VPS54: variants seen among roughly 807,000 people sequenced by gnomAD.
VPS54 encodes vacuolar protein sorting-associated protein 54.
VPS54 carries 45 observed loss-of-function variants against 121.5 expected under a neutral mutation model. That is an observed-to-expected ratio of 0.37 (90% confidence interval 0.29 to 0.47). The LOEUF (loss-of-function observed/expected upper bound fraction) is 0.47, where lower values mean the gene tolerates loss of function less well. Ranked by LOEUF, VPS54 falls within the 20% of genes least tolerant of loss-of-function variation. The pLI is 0.99. For missense variants in VPS54, 1,090 were observed against 1,131.4 expected, an observed-to-expected ratio of 0.96 and a Z score of 0.52; for synonymous variants, 371 against 385.8, an observed-to-expected ratio of 0.96 and a Z score of 0.45.
At chr2:63,973,505 CTGTT>C (rs1418797815) in intron 3 of VPS54, among the ~76,000 whole-genome samples, 2 of 151,932 alleles carry the variant, frequency 1.3e-5, no homozygotes, top group Admixed American at 6.6e-5. Flanking sequence ...TTTAATTTGG[CTGTT>C]TGTTTTGTTG....
chr2:63,965,715 C>T lies in VPS54; in HGVS notation c.624+120G>A, dbSNP rs1267091923. On this transcript the variant is annotated intron_variant, in intron 6 of 22. Coordinates refer to ENST00000272322, the MANE Select transcript of VPS54 (RefSeq NM_016516.3). ...TTAAGATTGGGAGGCTTATAGTTAT[C>T]AGTAAGAACAAAAATGAATTTAAAA... 2.9e-6 allele frequency: 4 copies of T among 1,387,440 alleles called. No individual in the cohort carries two copies. In the Admixed American group the frequency reaches 9.6e-5, roughly 33 times the overall value. 85.9% of individuals were successfully genotyped at this position (1,387,440 alleles called of 1,614,324 possible).
At chr2:63,925,128 G>T (rs1035424358) in intron 12 of VPS54, among the ~76,000 whole-genome samples, 7 of 152,246 alleles carry the variant, frequency 4.6e-5, no homozygotes, top group South Asian at 2.1e-4. Flanking sequence ...ACAGAAAGTG[G>T]GAGAAGATAT....
At chr2:64,009,944 T>C (rs940325819) in intron 1 of VPS54, among the ~76,000 whole-genome samples, 1 of 151,804 alleles carries the variant, frequency 6.6e-6, no homozygotes, top group African/African-American at 2.4e-5. Flanking sequence ...TGGATTCAAC[T>C]GATTCTCCTA....
intron 12 of VPS54, among the ~76,000 whole-genome samples, chr2:63,932,200 T>G (rs1434098080): frequency 2.0e-5 from 3 of 152,210 alleles, no homozygotes; most frequent in African/African-American, 7.2e-5. Context: ...TGAAGACACA[T>G]GCACACGTAT....
intron 1 of VPS54, among the ~76,000 whole-genome samples, chr2:64,005,349 C>T (rs954394704): frequency 1.3e-5 from 2 of 151,396 alleles, no homozygotes; most frequent in East Asian, 1.9e-4. Flanking sequence ...GTGATCCGCC[C>T]GCCTCGGCCT....
intron 12 of VPS54, among the ~76,000 whole-genome samples, chr2:63,923,785 A>G (rs1404923308): frequency 6.6e-6 from 1 of 152,240 alleles, no homozygotes; most frequent in Non-Finnish European, 1.5e-5. Context: ...ACAAAATTGC[A>G]GGTTATTTTG....
chr2:63,960,918 G>T (rs574566413), intron 7 of VPS54, among the ~76,000 whole-genome samples: 1 of 152,244 alleles, frequency 6.6e-6, no homozygotes, highest in South Asian at 2.1e-4. Context: ...TGGAAAGATG[G>T]TCCAACAGTA....
chr2:63,949,254 C>A, intron 7 of VPS54, 91 bp from the exon 8 acceptor site: 1 of 1,280,448 alleles, frequency 7.8e-7, no homozygotes, highest in East Asian at 2.4e-5. Context: ...AAAACTTTTT[C>A]AGTTGACAGT....
intron 18 of VPS54, 29 bp downstream of exon 18, chr2:63,913,194 G>C (rs1458561632): frequency 6.3e-7 from 1 of 1,577,558 alleles, no homozygotes; most frequent in Non-Finnish European, 8.7e-7. Context: ...TAACACTTCA[G>C]CAAGTGAATT....
intron 20 of VPS54, among the ~76,000 whole-genome samples, chr2:63,903,969 A>G (rs1008913987): frequency 6.6e-6 from 1 of 152,192 alleles, no homozygotes; most frequent in Non-Finnish European, 1.5e-5. Context: ...AAGGGAAAAA[A>G]GCAAGATCCA....
Position 63,972,176 on chromosome 2 carries a change from TAA to T in VPS54, c.445_446del (p.Leu149ThrfsTer4), listed in dbSNP as rs762499398. The T allele has an allele frequency of 7.0e-6, 11 of 1,582,728 alleles. No homozygotes were observed. The highest frequency in any genetic ancestry group is 2.3e-5 in the East Asian group (1 of 44,360). On this transcript the variant is annotated frameshift_variant, in exon 4 of 23. Transcript: ENST00000272322. LOFTEE classifies it high-confidence loss of function. Reference protein sequence around the residue: ...PPKDTFERTLLHTHDKSRTDL... With the variant: ...PPKDTFERTLXHTHDKSRTDL... ...AACACATATTCATACCATGAGTATG[TAA>T]AAGAGTCCTTTCGAAGGTATCTTTA...
intron 11 of VPS54, among the ~76,000 whole-genome samples, chr2:63,936,282 AT>A (rs1430845314): frequency 3.9e-5 from 6 of 152,118 alleles, no homozygotes. Context: ...TTTGCTGATT[AT>A]TTTTTCCAAA....
intron 12 of VPS54, among the ~76,000 whole-genome samples, chr2:63,926,095 A>G (rs1255513513): frequency 3.3e-5 from 5 of 152,342 alleles, no homozygotes; most frequent in Non-Finnish European, 7.4e-5. Context: ...CAAGCAAAAC[A>G]AAGTAAGCAA....
intron 21 of VPS54, among the ~76,000 whole-genome samples, chr2:63,899,033 A>G (rs1228054896): frequency 2.0e-5 from 3 of 152,236 alleles, no homozygotes; most frequent in Non-Finnish European, 4.4e-5. Context: ...TTATGCTGAC[A>G]TAACAATAAA....
chr2:63,908,057 T>C (rs1438435677), intron 20 of VPS54, among the ~76,000 whole-genome samples: 1 of 152,188 alleles, frequency 6.6e-6, no homozygotes, highest in East Asian at 1.9e-4. Context: ...TTGCCAATCT[T>C]ATTCCAAGGT....
At chr2:63,971,700 T>A (rs150019856) in intron 4 of VPS54, among the ~76,000 whole-genome samples, 1 of 152,240 alleles carries the variant, frequency 6.6e-6, no homozygotes, top group Non-Finnish European at 1.5e-5. Flanking sequence ...CTCTTTAATA[T>A]ACAGTGATAC....
At chr2:63,999,647 TTC>T (rs1261732751) in intron 1 of VPS54, among the ~76,000 whole-genome samples, 7 of 152,306 alleles carry the variant, frequency 4.6e-5, no homozygotes, top group Non-Finnish European at 7.3e-5. Flanking sequence ...GTTTGAGAAG[TTC>T]TCTGTTATTA....
At chr2:63,926,811 C>T (rs1226132683) in intron 12 of VPS54, among the ~76,000 whole-genome samples, 1 of 152,170 alleles carries the variant, frequency 6.6e-6, no homozygotes, top group Non-Finnish European at 1.5e-5. Context: ...ATGGTCTTTG[C>T]AACAGGCAGA....
At chr2:63,920,883 C>G (rs1037407323) in intron 13 of VPS54, among the ~76,000 whole-genome samples, 13 of 151,946 alleles carry the variant, frequency 8.6e-5, no homozygotes, top group African/African-American at 2.4e-4. Context: ...TTATTATAAA[C>G]TTGTTTAACT....
Sources: gnomAD v4.1 joint callset for allele counts (sites outside exome capture counted in the v4.1 genomes callset) on GRCh38, gnomAD v4.1.1 for gene constraint, MANE v1.5 for transcripts, NCBI Gene and HGNC (gene_info 2026-07-23, HGNC 2026-07-21) for gene names.